Variants in RARS1 observed in about 807,000 individuals in gnomAD.
The protein encoded by RARS1 is arginyl-tRNA synthetase 1, also known as arginine--tRNA ligase, cytoplasmic.
RARS1 carries 75 observed loss-of-function variants against 78.7 expected under a neutral mutation model. The ratio of observed to expected loss-of-function variants is 0.95; its 90% CI spans 0.79 to 1.15. The LOEUF (loss-of-function observed/expected upper bound fraction) is 1.15. Among genes scored for constraint, RARS1 ranks in the 50% most tolerant of loss-of-function variants. RARS1 has a pLI of 0.00. For synonymous variants in RARS1, 273 were observed against 268.2 expected (o/e 1.02, Z -0.18); for missense variants, 787 against 787.5 (o/e 1.00, Z 0.01).
At chr5:168,494,060 T>G in intron 4 of RARS1, 58 bp downstream of exon 4, 1 of 1,465,346 alleles carries the variant, frequency 6.8e-7, no homozygotes, top group Non-Finnish European at 9.4e-7. Flanking sequence ...CTTTTTGAAG[T>G]TAAAAAAGAA....
At chr5:168,496,618 G>A (rs1758195093) in intron 6 of RARS1, among the ~76,000 whole-genome samples, 1 of 151,666 alleles carries the variant, frequency 6.6e-6, no homozygotes, top group Non-Finnish European at 1.5e-5. Context: ...GAGTAGCTGG[G>A]ACTACAGGCG....
intron 2 of RARS1, among the ~76,000 whole-genome samples, chr5:168,490,605 A>T (rs1758062768): frequency 6.6e-6 from 1 of 152,154 alleles, no homozygotes; most frequent in African/African-American, 2.4e-5. Context: ...AGAACTAAAA[A>T]CCACAGAGTA....
At chr5:168,510,495 G>A in intron 11 of RARS1, 86 bp from the exon 12 acceptor site, 1 of 953,762 alleles carries the variant, frequency 1.0e-6, no homozygotes. Context: ...CAGTTTTGTG[G>A]TCAGGTCTCT....
At chr5:168,511,164 A>T (rs984212799) in intron 12 of RARS1, among the ~76,000 whole-genome samples, 2 of 151,612 alleles carry the variant, frequency 1.3e-5, no homozygotes, top group Admixed American at 1.3e-4. Context: ...TTTGTGTGGA[A>T]TTTGGAGGAA....
At chr5:168,506,679 T>C in intron 10 of RARS1, 43 bp from the exon 11 acceptor site, 1 of 1,419,796 alleles carries the variant, frequency 7.0e-7, no homozygotes, top group African/African-American at 1.4e-5. Flanking sequence ...TTTTTTTTTT[T>C]CTTTAAAGAA....
rs1234460281 is a variant in RARS1, at chr5:168,497,271, A to T, written c.745A>T (p.Ile249Phe). The part of the protein sequence containing the change: ...GDWGTQFGML[I>F]AHLQDKFPDY... ...CTGGGGGACCCAGTTTGGCATGCTCATCGCTCACCTGCAAGACAAATTTCC... is the reference window on the plus strand; with the variant it reads ...CTGGGGGACCCAGTTTGGCATGCTCTTCGCTCACCTGCAAGACAAATTTCC... Residue 249 changes from isoleucine (I) to phenylalanine (F), a missense_variant, in exon 7 of 15, where the codon ATC (isoleucine) becomes TTC (phenylalanine). Ile to Phe is a conservative substitution (Grantham distance 21). Transcript: ENST00000231572. 1 of 1,591,454 alleles carries T rather than the reference A, an allele frequency of 6.3e-7. No individual in the cohort carries two copies.
intron 12 of RARS1, 124 bp from the exon 13 acceptor site, chr5:168,516,654 T>C (rs1376234227): frequency 1.1e-6 from 1 of 877,116 alleles, no homozygotes; most frequent in Non-Finnish European, 1.8e-6. Context: ...GTGTCAGTGT[T>C]TATTAAAGTT....
chr5:168,494,964 A>G (rs904726142), intron 5 of RARS1: 9 of 333,360 alleles, frequency 2.7e-5, no homozygotes, highest in Admixed American at 4.5e-5. Flanking sequence ...ATGAACATTT[A>G]TGAAGTAGCC....
At chr5:168,514,210 TTTACCC>T (rs1361381669) in intron 12 of RARS1, among the ~76,000 whole-genome samples, 1 of 152,162 alleles carries the variant, frequency 6.6e-6, no homozygotes, top group Non-Finnish European at 1.5e-5. Context: ...CATTTTTGTT[TTTACCC>T]TTTGGGGGCT....
chr5:168,493,892 A>G lies in RARS1; in HGVS notation c.370-2A>G. ...AATGAATCATTTTATATTGTGTTGT[A>G]GATGCTCAAAACCAAGGAACAGAAA... On this transcript the variant is annotated splice_acceptor_variant, in intron 3 of 14. Transcript: ENST00000231572. LOFTEE classifies it high-confidence loss of function. 1 of 1,600,480 alleles carries G rather than the reference A, an allele frequency of 6.2e-7. No individual in the cohort carries two copies. The highest frequency in any genetic ancestry group is 8.6e-7 in the Non-Finnish European group (1 of 1,167,862).
At chr5:168,494,070 A>G in intron 4 of RARS1, 68 bp downstream of exon 4, 1 of 1,432,464 alleles carries the variant, frequency 7.0e-7, no homozygotes, top group African/African-American at 1.4e-5. Context: ...TTAAAAAAGA[A>G]CACACATTTT....
intron 12 of RARS1, among the ~76,000 whole-genome samples, chr5:168,514,580 G>A (rs1215472217): frequency 6.6e-6 from 1 of 152,078 alleles, no homozygotes; most frequent in East Asian, 1.9e-4. Flanking sequence ...TAAAAAAGTT[G>A]CAAGATAGTA....
intron 12 of RARS1, among the ~76,000 whole-genome samples, chr5:168,512,049 G>A (rs1758573263): frequency 6.6e-6 from 1 of 152,004 alleles, no homozygotes; most frequent in South Asian, 2.1e-4. Context: ...ATTTTTTGTA[G>A]AGATGGAGTT....
intron 11 of RARS1, 42 bp downstream of exon 11, chr5:168,506,873 C>T: frequency 1.4e-6 from 2 of 1,429,066 alleles, no homozygotes; most frequent in Non-Finnish European, 2.0e-6. Context: ...TATACTTGAT[C>T]CCAAGAGGCT....
In RARS1 at chr5:168,493,909, G is replaced by C; in HGVS notation, c.385G>C (p.Glu129Gln). Residue 129 changes from glutamate to glutamine, a missense_variant, in exon 4 of 15, where the codon GAA (glutamate) becomes CAA (glutamine). Glu to Gln is a conservative substitution (Grantham distance 29). Coordinates refer to ENST00000231572, the MANE Select transcript of RARS1 (RefSeq NM_002887.4). ...MGISQMLKTK[E>Q]QKVNPREIAE... ...TGTGTTGTAGATGCTCAAAACCAAG[G>C]AACAGAAAGTTAATCCAAGAGAAAT... 1.2e-6 allele frequency: 2 copies of C among 1,611,700 alleles called. No individual in the cohort carries two copies. The highest frequency in any genetic ancestry group is 1.7e-6 in the Non-Finnish European group (2 of 1,178,006).
At chr5:168,511,079 A>G (rs922622282) in intron 12 of RARS1, among the ~76,000 whole-genome samples, 9 of 152,110 alleles carry the variant, frequency 5.9e-5, no homozygotes, top group African/African-American at 2.2e-4. Context: ...CTTGCCACCC[A>G]AGGCCATTGA....
intron 9 of RARS1, among the ~76,000 whole-genome samples, chr5:168,504,010 A>G (rs894372520): frequency 2.0e-5 from 3 of 150,840 alleles, no homozygotes; most frequent in Non-Finnish European, 3.0e-5. Flanking sequence ...ACAGTGAGCT[A>G]TGCTCACACC....
chr5:168,492,613 A>G (rs545382137), intron 2 of RARS1, 46 bp from the exon 3 acceptor site: 4 of 1,425,754 alleles, frequency 2.8e-6, no homozygotes, highest in Middle Eastern at 1.9e-4. Context: ...TTGTATGATG[A>G]TGGTTTTACG....
At chr5:168,497,203 T>A (rs374097956) in intron 6 of RARS1, 25 bp from the exon 7 acceptor site, 2 of 1,400,998 alleles carry the variant, frequency 1.4e-6, no homozygotes, top group Middle Eastern at 1.8e-4. Context: ...TAAAAAATGA[T>A]TATATATTCT....
Sources: gnomAD v4.1 joint callset for allele counts (sites outside exome capture counted in the v4.1 genomes callset) on GRCh38, gnomAD v4.1.1 for gene constraint, MANE v1.5 for transcripts, NCBI Gene and HGNC (gene_info 2026-07-23, HGNC 2026-07-21) for gene names.